The following RNLS variants were observed in gnomAD, a reference collection of about 807,000 sequenced individuals.
RNLS encodes renalase.
A neutral mutation model predicts 39.8 loss-of-function variants in RNLS; 39 were observed. That is an observed-to-expected ratio of 0.98 (90% CI 0.76 to 1.28). The LOEUF is 1.28. Among genes scored for constraint, RNLS ranks in the 50% most tolerant of loss-of-function variants. The pLI is 0.00. For missense variants in RNLS, 410 were observed against 413.3 expected (o/e 0.99, Z 0.07); for synonymous variants, 147 against 150.7 (o/e 0.98, Z 0.18).
At chr10:88,358,095 A>G (rs1164602885) in intron 5 of RNLS, among the ~76,000 whole-genome samples, 1 of 152,230 alleles carries the variant, frequency 6.6e-6, no homozygotes, top group African/African-American at 2.4e-5. Context: ...AGGTCTTGTG[A>G]GTCCAAATAC....
intron 4 of RNLS, among the ~76,000 whole-genome samples, chr10:88,394,121 C>T (rs1852396559): frequency 6.6e-6 from 1 of 152,210 alleles, no homozygotes; most frequent in African/African-American, 2.4e-5. Context: ...CCATTAAGGA[C>T]ATAGGCATGG....
intron 4 of RNLS, among the ~76,000 whole-genome samples, chr10:88,484,614 A>G (rs1844384252): frequency 6.6e-6 from 1 of 152,012 alleles, no homozygotes; most frequent in African/African-American, 2.4e-5. Flanking sequence ...AGTAAGTGCC[A>G]CAAGACAGAA....
chr10:88,229,749 T>G, the RNLS span, among the ~76,000 whole-genome samples: 2 of 152,252 alleles, frequency 1.3e-5, no homozygotes, highest in African/African-American at 4.8e-5. Context: ...ACAGTTTGTT[T>G]AAACAGACTC....
chr10:88,269,004 C>T (rs1029417005), downstream of RNLS, among the ~76,000 whole-genome samples: 8 of 152,186 alleles, frequency 5.3e-5, no homozygotes, highest in African/African-American at 1.7e-4. Flanking sequence ...AATAAAACCT[C>T]TGGAAAGAAA....
intron 4 of RNLS, among the ~76,000 whole-genome samples, chr10:88,491,310 G>A (rs186136097): frequency 1.3e-5 from 2 of 152,104 alleles, no homozygotes; most frequent in South Asian, 2.1e-4. Flanking sequence ...ACATTATTTC[G>A]GGATAAGAGT....
At chr10:88,276,411 A>T (rs1243095010) in intron 6 of RNLS, among the ~76,000 whole-genome samples, 1 of 152,144 alleles carries the variant, frequency 6.6e-6, no homozygotes, top group African/African-American at 2.4e-5. Context: ...GGAGGCATGT[A>T]TTATATATTT....
intron 4 of RNLS, among the ~76,000 whole-genome samples, chr10:88,436,288 T>C: frequency 6.6e-6 from 1 of 152,116 alleles, no homozygotes; most frequent in Non-Finnish European, 1.5e-5. Context: ...GCCCTGCATG[T>C]GTAGGATGCC....
At chr10:88,473,701 G>C (rs180722250) in intron 4 of RNLS, among the ~76,000 whole-genome samples, 1 of 152,000 alleles carries the variant, frequency 6.6e-6, no homozygotes, top group East Asian at 1.9e-4. Flanking sequence ...ATTTAAATTT[G>C]GGCAACCCTT....
chr10:88,291,044 C>T (rs1843636477), intron 6 of RNLS, among the ~76,000 whole-genome samples: 1 of 152,166 alleles, frequency 6.6e-6, no homozygotes, highest in Admixed American at 6.5e-5. Context: ...CAAGTTCACA[C>T]ATGTGAAAAC....
At chr10:88,250,055 G>C in the RNLS span, among the ~76,000 whole-genome samples, 1 of 152,134 alleles carries the variant, frequency 6.6e-6, no homozygotes, top group Non-Finnish European at 1.5e-5. Flanking sequence ...TGTTGTTTGC[G>C]CTATTAAAGT....
chr10:88,295,195 T>C lies in RNLS; in HGVS notation c.877-9689A>G, dbSNP rs76792966. Reference sequence around the variant, plus strand: ...TTTCTTAACCATACACTGAATCTTATTACAGATAACTGATACTCCAAACTG... The same window carrying C: ...TTTCTTAACCATACACTGAATCTTACTACAGATAACTGATACTCCAAACTG... On this transcript the variant is annotated intron_variant, in intron 6 of 6. Transcript: ENST00000331772. 1.1e-4 allele frequency among the ~76,000 whole-genome samples: 17 copies of C among 152,306 alleles called. No individual in the cohort carries two copies. The East Asian group carries it at 3.3e-3, about 29-fold the overall frequency.
chr10:88,217,094 A>T, the RNLS span, among the ~76,000 whole-genome samples: 15 of 152,216 alleles, frequency 9.9e-5, no homozygotes, highest in African/African-American at 3.6e-4. Context: ...ATTGGTTTTC[A>T]AACATCCATT....
Position 88,357,414 on chromosome 10 carries a change from C to T in RNLS, c.700+5138G>A, listed in dbSNP as rs115886458. Among the ~76,000 whole-genome samples, 483 of 152,262 alleles carry T rather than the reference C, an allele frequency of 3.2e-3. 3 individuals carry two copies. The highest frequency in any genetic ancestry group is 0.011 in the African/African-American group (459 of 41,554). On this transcript the variant is annotated intron_variant, in intron 5 of 6. Transcript: ENST00000331772. ...GTGGCACTATTCCTTATGTTCTCTA[C>T]ATGACAGATATTGCTGATTGTTGGA...
At chr10:88,550,723 C>A (rs2134334338) in intron 4 of RNLS, among the ~76,000 whole-genome samples, 1 of 152,290 alleles carries the variant, frequency 6.6e-6, no homozygotes, top group Admixed American at 6.5e-5. Context: ...AACACATTTT[C>A]TGATATCTAC....
the RNLS span, among the ~76,000 whole-genome samples, chr10:88,259,992 G>A: frequency 2.6e-5 from 4 of 152,114 alleles, no homozygotes; most frequent in Admixed American, 6.5e-5. Context: ...CGCCCGCCTC[G>A]GCCTCCCAAA....
chr10:88,470,134 A>T (rs547580463), intron 4 of RNLS, among the ~76,000 whole-genome samples: 21 of 151,996 alleles, frequency 1.4e-4, no homozygotes, highest in Middle Eastern at 3.4e-3. Flanking sequence ...AAACACACAG[A>T]TTTTATTTTT....
At chr10:88,481,995 T>G (rs1049825095) in intron 4 of RNLS, among the ~76,000 whole-genome samples, 1 of 152,184 alleles carries the variant, frequency 6.6e-6, no homozygotes, top group Non-Finnish European at 1.5e-5. Context: ...TCTTCCAGTA[T>G]CTTTCAAATG....
At chr10:88,386,623 C>T (rs1196492887) in intron 4 of RNLS, among the ~76,000 whole-genome samples, 1 of 152,198 alleles carries the variant, frequency 6.6e-6, no homozygotes, top group African/African-American at 2.4e-5. Flanking sequence ...CATACCCAGC[C>T]ATACAGCATT....
At chr10:88,499,284 T>C (rs938071491) in intron 4 of RNLS, among the ~76,000 whole-genome samples, 5 of 152,122 alleles carry the variant, frequency 3.3e-5, no homozygotes, top group Non-Finnish European at 7.4e-5. Context: ...ATTGTCTTGA[T>C]CTCTCAGGGT....
Sources: gnomAD v4.1 joint callset for allele counts (sites outside exome capture counted in the v4.1 genomes callset) on GRCh38, gnomAD v4.1.1 for gene constraint, MANE v1.5 for transcripts, NCBI Gene and HGNC (gene_info 2026-07-23, HGNC 2026-07-21) for gene names.